The following IGFBP7 variants were observed in gnomAD, a reference collection of about 807,000 sequenced individuals.
The protein encoded by IGFBP7 is insulin like growth factor binding protein 7, also known as insulin-like growth factor-binding protein 7.
Under a neutral mutation model 29.4 loss-of-function variants are expected in IGFBP7, and 31 were observed. The observed-to-expected ratio is 1.05, with a 90% CI of 0.79 to 1.42. IGFBP7 has a LOEUF of 1.42. IGFBP7 is among the 40% of genes most tolerant of loss of function. The pLI, the probability that IGFBP7 is intolerant of heterozygous loss-of-function variation, is 0.00. For missense variants in IGFBP7, 393 were observed against 395.5 expected (o/e 0.99, Z 0.05); for synonymous variants, 172 against 174.9 (o/e 0.98, Z 0.13).
At chr4:57,072,284 TA>T (rs1725070363) in intron 1 of IGFBP7, among the ~76,000 whole-genome samples, 1 of 152,210 alleles carries the variant, frequency 6.6e-6, no homozygotes, top group Non-Finnish European at 1.5e-5. Flanking sequence ...TTGCTAAGGA[TA>T]ATGGCCTCCA....
chr4:57,054,880 C>T (rs985141269), intron 1 of IGFBP7, among the ~76,000 whole-genome samples: 1 of 152,118 alleles, frequency 6.6e-6, no homozygotes, highest in Admixed American at 6.5e-5. Context: ...AGACTTAACA[C>T]CTTGGGTCTT....
At chr4:57,041,751 C>T (rs1278045966) in intron 1 of IGFBP7, among the ~76,000 whole-genome samples, 1 of 152,016 alleles carries the variant, frequency 6.6e-6, no homozygotes, top group African/African-American at 2.4e-5. Flanking sequence ...GTTGCCCAGG[C>T]TGGTCCCGAA....
chr4:57,059,846 T>G (rs1724759272), intron 1 of IGFBP7, among the ~76,000 whole-genome samples: 1 of 152,196 alleles, frequency 6.6e-6, no homozygotes, highest in African/African-American at 2.4e-5. Context: ...GAGCACTAAC[T>G]TGTACTACTG....
At chr4:57,049,496 G>A (rs952572935) in intron 1 of IGFBP7, among the ~76,000 whole-genome samples, 2 of 152,052 alleles carry the variant, frequency 1.3e-5, no homozygotes, top group Non-Finnish European at 2.9e-5. Flanking sequence ...CTTTGCTTAT[G>A]CTGATGCCCT....
At position 57,110,287 on chromosome 4, in the gene IGFBP7, GGCAGGA is replaced by G. The variant is rs1215754386; in HGVS notation, c.59_64del (p.Leu20_Leu21del). The G allele has an allele frequency of 2.1e-6, 3 of 1,427,516 alleles. No individual in the cohort carries two copies. The highest frequency in any genetic ancestry group is 3.1e-5 in the East Asian group (1 of 32,376). 88.4% of individuals were successfully genotyped at this position (1,427,516 alleles called of 1,614,324 possible). A position where few individuals can be genotyped will look rare whatever the true frequency, so the allele number is the denominator to read the frequency against. ...GTCCGAAGAGGAGGAAGAGGAGAGGGGCAGGAGCAGGAGCAGCAGCCCAGCGGCGCC... is the reference window on the plus strand; with the variant it reads ...GTCCGAAGAGGAGGAAGAGGAGAGGGGCAGGAGCAGCAGCCCAGCGGCGCC... On this transcript the variant is annotated inframe_deletion, in exon 1 of 5. Coordinates refer to ENST00000295666, the MANE Select transcript of IGFBP7 (RefSeq NM_001553.3).
Position 57,061,048 on chromosome 4 carries a change from T to G in IGFBP7, c.476-20115A>C, listed in dbSNP as rs569091687. ...TTGCAGCCTGGGGCAACAGCGAGAT[T>G]TCGTCTCTGAAAAACAAAAAAAATT... On this transcript the variant is annotated intron_variant, in intron 1 of 4. Transcript: ENST00000295666. Among the ~76,000 whole-genome samples, 6 of 134,902 alleles carry G rather than the reference T, an allele frequency of 4.4e-5. No individual in the cohort carries two copies. The East Asian group carries it at 1.2e-3, about 27-fold the overall frequency. 88.5% of individuals were successfully genotyped at this position (134,902 alleles called of 152,430 possible).
rs1724645275 is a variant in IGFBP7 at position 57,055,645 on chromosome 4, C to T, written c.476-14712G>A. Among the ~76,000 whole-genome samples the T allele has an allele frequency of 6.8e-5, 3 of 44,298 alleles. No homozygotes were observed. The South Asian group carries it at 5.0e-3, about 74-fold the overall frequency. 29.1% of individuals were successfully genotyped at this position (44,298 alleles called of 152,430 possible). A position where few individuals can be genotyped will look rare whatever the true frequency, so the allele number is the denominator to read the frequency against. ...CACGCGGGGGTGGACAGGGTCATCGCGGTTCTCCTGGACTGCTTTCCATTT... is the reference window on the plus strand; with the variant it reads ...CACGCGGGGGTGGACAGGGTCATCGTGGTTCTCCTGGACTGCTTTCCATTT... On this transcript the variant is annotated intron_variant, in intron 1 of 4. Transcript: ENST00000295666.
At chr4:57,039,595 A>C (rs1428981520) in intron 2 of IGFBP7, among the ~76,000 whole-genome samples, 1 of 151,092 alleles carries the variant, frequency 6.6e-6, no homozygotes, top group African/African-American at 2.4e-5. Flanking sequence ...AGGCTGAGAA[A>C]CCCTGACTTG....
chr4:57,042,889 C>G (rs991325466), intron 1 of IGFBP7, among the ~76,000 whole-genome samples: 1 of 152,146 alleles, frequency 6.6e-6, no homozygotes, highest in African/African-American at 2.4e-5. Flanking sequence ...GAGACTGATG[C>G]CTAAATAAGA....
At chr4:57,063,978 T>A (rs917248732) in intron 1 of IGFBP7, among the ~76,000 whole-genome samples, 5 of 152,226 alleles carry the variant, frequency 3.3e-5, no homozygotes, top group Non-Finnish European at 7.3e-5. Context: ...TTTATAAAAT[T>A]TAAAAATTGG....
chr4:57,041,184 C>T (rs1208977087), intron 1 of IGFBP7, among the ~76,000 whole-genome samples: 1 of 152,142 alleles, frequency 6.6e-6, no homozygotes. Flanking sequence ...TTCTTCTTCC[C>T]CAGACCATGC....
intron 1 of IGFBP7, among the ~76,000 whole-genome samples, chr4:57,067,780 G>T (rs1180166691): frequency 6.6e-6 from 1 of 151,688 alleles, no homozygotes; most frequent in African/African-American, 2.4e-5. Flanking sequence ...AACACTTCAG[G>T]ACTTCTCCAA....
At chr4:57,064,593 T>C (rs1377095780) in intron 1 of IGFBP7, among the ~76,000 whole-genome samples, 1 of 152,220 alleles carries the variant, frequency 6.6e-6, no homozygotes, top group African/African-American at 2.4e-5. Flanking sequence ...AGATCCTTTC[T>C]AGTGAGCTGG....
chr4:57,095,985 G>A lies in IGFBP7; in HGVS notation c.475+13892C>T, dbSNP rs115064330. ...TAAGTGCCTACCGTATCCCAAGGAC[G>A]GTTTAGACATTGGAGATTCAGTAGT... On this transcript the variant is annotated intron_variant, in intron 1 of 4. Coordinates refer to ENST00000295666, the MANE Select transcript of IGFBP7 (RefSeq NM_001553.3). Among the ~76,000 whole-genome samples, 510 of 152,026 alleles carry A rather than the reference G, an allele frequency of 3.4e-3. 1 individual carries two copies. Among genetic ancestry groups the A allele is most frequent in the African/African-American group, 6.8e-3 (280 of 41,476 alleles).
intron 1 of IGFBP7, among the ~76,000 whole-genome samples, chr4:57,076,128 G>C (rs11573067): frequency 6.6e-6 from 1 of 152,202 alleles, no homozygotes; most frequent in African/African-American, 2.4e-5. Context: ...TTGGCTTGTA[G>C]ATGGCTGCCT....
intron 1 of IGFBP7, among the ~76,000 whole-genome samples, chr4:57,041,638 C>G (rs1044122456): frequency 6.6e-6 from 1 of 152,150 alleles, no homozygotes; most frequent in Non-Finnish European, 1.5e-5. Context: ...TGGTCTCCAG[C>G]GATCCTCCCA....
At chr4:57,086,119 G>A (rs561425624) in intron 1 of IGFBP7, among the ~76,000 whole-genome samples, 4 of 152,344 alleles carry the variant, frequency 2.6e-5, no homozygotes, top group East Asian at 3.9e-4. Flanking sequence ...CAAAGGAGGA[G>A]CAAAGGTACA....
Position 57,031,339 on chromosome 4 carries a change from G to A in IGFBP7, c.830-3C>T, listed in dbSNP as rs1315644545. ...GGTTTATAGCTCGGCACCTTCACCTGTTTAAAAAAAAAAAAAGATAAAAAT... is the reference window on the plus strand; with the variant it reads ...GGTTTATAGCTCGGCACCTTCACCTATTTAAAAAAAAAAAAAGATAAAAAT... On this transcript the variant is annotated splice_polypyrimidine_tract_variant and splice_region_variant and intron_variant, in intron 4 of 4. Coordinates refer to ENST00000295666, the MANE Select transcript of IGFBP7 (RefSeq NM_001553.3). 5 of 1,581,152 alleles carry A rather than the reference G, an allele frequency of 3.2e-6. No homozygotes were observed. Among genetic ancestry groups the A allele is most frequent in the Middle Eastern group, 3.3e-4 (2 of 6,002 alleles).
intron 1 of IGFBP7, among the ~76,000 whole-genome samples, chr4:57,099,103 C>A (rs1194373554): frequency 1.3e-5 from 2 of 152,156 alleles, no homozygotes; most frequent in African/African-American, 4.8e-5. Flanking sequence ...TGAACACTTG[C>A]ACACTAATCT....
Sources: allele counts gnomAD v4.1 joint callset (sites outside exome capture counted in the v4.1 genomes callset), GRCh38; gene constraint gnomAD v4.1.1; transcripts MANE v1.5; gene names NCBI Gene and HGNC (gene_info 2026-07-23, HGNC 2026-07-21).